SORBS2: variants seen among roughly 807,000 people sequenced by gnomAD.
SORBS2 encodes the protein sorbin and SH3 domain containing 2.
SORBS2 carries 46 observed loss-of-function variants against 97.7 expected under a neutral mutation model. The ratio of observed to expected loss-of-function variants is 0.47; its 90% CI spans 0.37 to 0.60. SORBS2 has a LOEUF of 0.60. SORBS2 is among the 20% of genes least tolerant of loss of function. The probability of loss-of-function intolerance (pLI) is 0.00; values close to 1 mark genes in which losing one functional copy is unlikely to be tolerated. For missense variants in SORBS2, 1,316 were observed against 1,282.3 expected, an observed-to-expected ratio of 1.03 and a Z score of -0.40; for synonymous variants, 476 against 473.4, an observed-to-expected ratio of 1.01 and a Z score of -0.07.
chr4:185,710,515 C>G (rs1471059078), intron 2 of SORBS2, among the ~76,000 whole-genome samples: 1 of 152,240 alleles, frequency 6.6e-6, no homozygotes, highest in South Asian at 2.1e-4. Context: ...CACTCCCCCC[C>G]AAATTTTGAA....
At chr4:185,646,496 C>T in intron 4 of SORBS2, 172 bp downstream of exon 13, 1 of 560,736 alleles carries the variant, frequency 1.8e-6, no homozygotes, top group Non-Finnish European at 3.2e-6. Context: ...TATATTAGAA[C>T]ATGTATCTTT....
At chr4:185,915,740 T>C (rs1271360332) in intron 1 of SORBS2, among the ~76,000 whole-genome samples, 1 of 151,868 alleles carries the variant, frequency 6.6e-6, no homozygotes, top group Admixed American at 6.6e-5. Context: ...GAAGGAGAGA[T>C]ATTAATACTC....
chr4:185,847,038 C>T (rs1203106294), intron 1 of SORBS2, among the ~76,000 whole-genome samples: 2 of 151,820 alleles, frequency 1.3e-5, no homozygotes, highest in East Asian at 1.9e-4. Context: ...GCGGGAGTGG[C>T]GATAGAGACA....
At position 185,684,440 on chromosome 4, in the gene SORBS2, C is replaced by A. The variant is rs2097917823; in HGVS notation, c.-197-5618G>T. 6.6e-6 allele frequency among the ~76,000 whole-genome samples: 1 copy of A among 151,952 alleles called. No individual in the cohort carries two copies. The highest frequency in any genetic ancestry group is 1.5e-5 in the Non-Finnish European group (1 of 67,988). ...AATGAAGATTCAGTTTCCTACAAAT[C>A]CCTTTTTTCATCCTGTACCCCTGTA... On this transcript the variant is annotated intron_variant, in intron 2 of 20. Coordinates refer to the SORBS2 transcript ENST00000284776. The surrounding 1 kb of genome is among the most constrained non-coding windows in gnomAD (Gnocchi z 4.2).
In SORBS2 at chr4:185,614,826, G is replaced by A; in HGVS notation, c.2595+5C>T. 1 of 1,613,786 alleles carries A rather than the reference G, an allele frequency of 6.2e-7. No individual in the cohort carries two copies. Among genetic ancestry groups the A allele is most frequent in the Non-Finnish European group, 8.5e-7 (1 of 1,179,834 alleles). The stretch of plus-strand genomic sequence containing the variant: ...AACAAACAAACAAAAAACCAGCTGG[G>A]CTACCTTTCTCAGTGACAGCTCCAC... On this transcript the variant is annotated splice_donor_5th_base_variant and intron_variant, in intron 11 of 14. Transcript: ENST00000418609.
intron 4 of SORBS2, among the ~76,000 whole-genome samples, chr4:185,668,987 T>C (rs2097665273): frequency 6.6e-6 from 1 of 152,224 alleles, no homozygotes; most frequent in African/African-American, 2.4e-5. Context: ...TAAACCTTAA[T>C]ATGCTTCATA....
At chr4:185,788,715 A>G (rs1001649003) in intron 1 of SORBS2, among the ~76,000 whole-genome samples, 2 of 152,176 alleles carry the variant, frequency 1.3e-5, no homozygotes, top group Admixed American at 1.3e-4. Flanking sequence ...CCACCCTTCT[A>G]TTTGCATATA....
intron 1 of SORBS2, among the ~76,000 whole-genome samples, chr4:185,849,401 C>T (rs955208557): frequency 3.3e-5 from 5 of 151,756 alleles, no homozygotes; most frequent in African/African-American, 1.2e-4. Flanking sequence ...GTCCAATCGA[C>T]AGATAAAGAA....
intron 12 of SORBS2, among the ~76,000 whole-genome samples, chr4:185,604,449 G>A (rs2096357423): frequency 6.6e-6 from 1 of 152,154 alleles, no homozygotes; most frequent in Non-Finnish European, 1.5e-5. Context: ...CAGAGGCGAA[G>A]AGAGAATGAA....
chr4:185,780,763 G>T lies in SORBS2; in HGVS notation c.-337-5397C>A, dbSNP rs2099024593. On this transcript the variant is annotated intron_variant, in intron 1 of 20. Coordinates refer to the SORBS2 transcript ENST00000284776. Reference sequence around the variant, plus strand: ...GTAAATACTTTTTAGTAGGCGATTTGTCATCACATGTGTCATTTTGCCATC... The same window carrying T: ...GTAAATACTTTTTAGTAGGCGATTTTTCATCACATGTGTCATTTTGCCATC... Among the ~76,000 whole-genome samples, 3 of 152,248 alleles carry T rather than the reference G, an allele frequency of 2.0e-5. No individual in the cohort carries two copies. The South Asian group carries it at 6.2e-4, about 32-fold the overall frequency.
chr4:185,814,774 C>T (rs57349539), intron 1 of SORBS2, among the ~76,000 whole-genome samples: 38,938 of 152,122 alleles, frequency 0.26, 5,199 homozygotes, highest in Middle Eastern at 0.34. Context: ...GCACGTCTCC[C>T]GGCATCTCTA....
chr4:185,951,109 C>A (rs989971061), intron 1 of SORBS2, among the ~76,000 whole-genome samples: 1 of 152,130 alleles, frequency 6.6e-6, no homozygotes, highest in Non-Finnish European at 1.5e-5. Flanking sequence ...ACCCTTCCAG[C>A]GCTTCATTGT....
rs1431293135 is a variant in SORBS2 at position 185,868,155 on chromosome 4, C to CTTTTTTTTTTTTTTT, written c.-338+88040_-338+88041insAAAAAAAAAAAAAAA. On this transcript the variant is annotated intron_variant, in intron 1 of 20. Coordinates refer to the SORBS2 transcript ENST00000284776. ...CCTTTCTCTTTTCTTTTCTTTTTTTCTTTCTTTTTTTTTTTTTTTGAGGCA... is the reference window on the plus strand; with the variant it reads ...CCTTTCTCTTTTCTTTTCTTTTTTTCTTTTTTTTTTTTTTTTTTCTTTTTTTTTTTTTTTGAGGCA... 1.8e-3 allele frequency among the ~76,000 whole-genome samples: 183 copies of CTTTTTTTTTTTTTTT among 100,712 alleles called. 6 individuals carry two copies. Among genetic ancestry groups the CTTTTTTTTTTTTTTT allele is most frequent in the Middle Eastern group, 0.013 (2 of 156 alleles). 66.1% of individuals were successfully genotyped at this position (100,712 alleles called of 152,430 possible). A position where few individuals can be genotyped will look rare whatever the true frequency, so the allele number is the denominator to read the frequency against.
intron 7 of SORBS2, among the ~76,000 whole-genome samples, chr4:185,620,822 T>C (rs984496289): frequency 1.3e-5 from 2 of 152,242 alleles, no homozygotes; most frequent in African/African-American, 2.4e-5. Flanking sequence ...AGATATTGTT[T>C]CTTCTTACTC....
intron 1 of SORBS2, among the ~76,000 whole-genome samples, chr4:185,781,195 C>T (rs950603003): frequency 6.6e-6 from 1 of 152,170 alleles, no homozygotes; most frequent in South Asian, 2.1e-4. Flanking sequence ...CCTCAGCCTC[C>T]CAAAGTGCTG....
chr4:185,820,121 G>A (rs138889981), intron 1 of SORBS2, among the ~76,000 whole-genome samples: 30 of 152,274 alleles, frequency 2.0e-4, no homozygotes, highest in African/African-American at 7.2e-4. Context: ...CAATACCGTG[G>A]GAAACATCAG....
At chr4:185,859,499 C>A (rs1029764538) in intron 1 of SORBS2, among the ~76,000 whole-genome samples, 1 of 152,156 alleles carries the variant, frequency 6.6e-6, no homozygotes. Flanking sequence ...TTGCTAGGAA[C>A]GTCTGTTCTC....
intron 4 of SORBS2, among the ~76,000 whole-genome samples, chr4:185,640,818 GAC>G (rs2097113159): frequency 1.3e-5 from 2 of 152,154 alleles, no homozygotes; most frequent in South Asian, 4.1e-4. Context: ...TGTTTAGAGA[GAC>G]ATACTATTTC....
chr4:185,724,404 G>T (rs78172243), intron 2 of SORBS2, among the ~76,000 whole-genome samples: 2,750 of 151,820 alleles, frequency 0.018, 84 homozygotes, highest in African/African-American at 0.063. Flanking sequence ...CTTTAATCTA[G>T]TATTTTCTAG....
Sources: gnomAD v4.1 joint callset for allele counts (sites outside exome capture counted in the v4.1 genomes callset) on GRCh38, gnomAD v4.1.1 for gene constraint, Gnocchi (gnomAD v3.1) non-coding constraint, MANE v1.5 for transcripts, NCBI Gene and HGNC (gene_info 2026-07-23, HGNC 2026-07-21) for gene names.